Variants in PKIG observed in about 807,000 individuals in gnomAD.
PKIG encodes protein kinase (cAMP-dependent, catalytic) inhibitor gamma.
PKIG carries 1 observed loss-of-function variant against 6.8 expected under a neutral mutation model. That is an observed-to-expected ratio of 0.15 (90% confidence interval 0.05 to 0.69). PKIG has a LOEUF of 0.69. Among genes scored for constraint, PKIG ranks in the 30% least tolerant of loss-of-function variants. PKIG has a pLI of 0.82. For synonymous variants in PKIG, 39 were observed against 43.0 expected (o/e 0.91, Z 0.36); for missense variants, 77 against 104.0 (o/e 0.74, Z 1.13).
At chr20:44,542,042 T>C (rs531618339) in intron 1 of PKIG, among the ~76,000 whole-genome samples, 6 of 152,282 alleles carry the variant, frequency 3.9e-5, no homozygotes, top group Admixed American at 3.3e-4. Context: ...ACACCAAGAT[T>C]GAAAGCAACT....
intron 1 of PKIG, among the ~76,000 whole-genome samples, chr20:44,544,008 G>A (rs2064587321): frequency 6.6e-6 from 1 of 150,410 alleles, no homozygotes; most frequent in Non-Finnish European, 1.5e-5. Flanking sequence ...AGGTTGCAGT[G>A]AGCTGAGGTC....
At chr20:44,608,287 G>A (rs2065185072) in intron 2 of PKIG, among the ~76,000 whole-genome samples, 1 of 152,144 alleles carries the variant, frequency 6.6e-6, no homozygotes, top group Non-Finnish European at 1.5e-5. Flanking sequence ...ATTAATGTAT[G>A]TAATTATATC....
At chr20:44,556,458 G>T (rs990016506) in intron 1 of PKIG, among the ~76,000 whole-genome samples, 4 of 152,228 alleles carry the variant, frequency 2.6e-5, no homozygotes, top group Admixed American at 6.5e-5. Flanking sequence ...TGCCTCCTGG[G>T]TTCAAGTGAT....
chr20:44,602,873 G>A (rs901625838), intron 2 of PKIG, among the ~76,000 whole-genome samples: 2 of 151,618 alleles, frequency 1.3e-5, no homozygotes, highest in Admixed American at 6.6e-5. Flanking sequence ...AAGACTTGGA[G>A]ATCATATTTC....
intron 2 of PKIG, among the ~76,000 whole-genome samples, chr20:44,597,720 G>A (rs755875273): frequency 2.0e-5 from 3 of 152,078 alleles, no homozygotes; most frequent in Non-Finnish European, 4.4e-5. Flanking sequence ...CTCCTGCTGC[G>A]GATGTATGAT....
At chr20:44,616,086 C>T (rs532468130) in intron 3 of PKIG, among the ~76,000 whole-genome samples, 210 of 152,300 alleles carry the variant, frequency 1.4e-3, no homozygotes, top group African/African-American at 4.9e-3. Flanking sequence ...GTACTTTGAT[C>T]GCTCAGAAGC....
At chr20:44,580,825 C>T (rs1246059837), upstream of PKIG, among the ~76,000 whole-genome samples, 1 of 152,186 alleles carries the variant, frequency 6.6e-6, no homozygotes. Context: ...TTACCACAGC[C>T]TCTTCCTTAC....
At chr20:44,596,876 T>C (rs2065079780) in intron 2 of PKIG, among the ~76,000 whole-genome samples, 1 of 152,126 alleles carries the variant, frequency 6.6e-6, no homozygotes, top group Admixed American at 6.5e-5. Flanking sequence ...CAGAGCAAAA[T>C]TTAAAGTCTG....
chr20:44,544,460 C>G (rs1377265715), intron 1 of PKIG, among the ~76,000 whole-genome samples: 1 of 152,178 alleles, frequency 6.6e-6, no homozygotes, highest in African/African-American at 2.4e-5. Context: ...CCTGGCATGG[C>G]AGTTCCACAG....
At chr20:44,563,743 C>G (rs2064787547) in intron 1 of PKIG, among the ~76,000 whole-genome samples, 1 of 152,052 alleles carries the variant, frequency 6.6e-6, no homozygotes, top group Admixed American at 6.6e-5. Flanking sequence ...GTTGCCCAGA[C>G]TGGTCTAAAA....
chr20:44,591,491 C>T (rs999284324), intron 2 of PKIG, among the ~76,000 whole-genome samples: 2 of 151,982 alleles, frequency 1.3e-5, no homozygotes, highest in Non-Finnish European at 2.9e-5. Flanking sequence ...GGCCCACTCT[C>T]ATCACCTCTC....
chr20:44,598,978 G>A (rs551502950), intron 2 of PKIG: 1 of 152,298 alleles, frequency 6.6e-6, no homozygotes, highest in South Asian at 2.1e-4. Flanking sequence ...TGTGGTGGTA[G>A]AATCAAGAGA....
intron 1 of PKIG, among the ~76,000 whole-genome samples, chr20:44,546,045 C>T (rs1309289627): frequency 5.9e-5 from 9 of 151,908 alleles, no homozygotes; most frequent in Non-Finnish European, 1.0e-4. Context: ...TCCAGGAGTT[C>T]GAGACACAAG....
intron 2 of PKIG, among the ~76,000 whole-genome samples, chr20:44,610,498 T>TCACACACACA (rs1379954369): frequency 6.6e-4 from 79 of 119,598 alleles, no homozygotes; most frequent in African/African-American, 1.6e-3. Flanking sequence ...TCTCTCTCTC[T>TCACACACACA]CTCACACACA....
chr20:44,569,780 G>T (rs887617119), intron 1 of PKIG, among the ~76,000 whole-genome samples: 1 of 151,968 alleles, frequency 6.6e-6, no homozygotes, highest in Non-Finnish European at 1.5e-5. Flanking sequence ...CACACTCCCC[G>T]TGTAATCCTG....
chr20:44,615,135 CAA>C (rs572092586), intron 3 of PKIG, among the ~76,000 whole-genome samples: 3 of 144,316 alleles, frequency 2.1e-5, no homozygotes, highest in African/African-American at 2.5e-5. Context: ...ATGCTTCTGC[CAA>C]AAAAAAAAAA....
At chr20:44,562,753 A>G (rs1048734686) in intron 1 of PKIG, among the ~76,000 whole-genome samples, 6 of 152,208 alleles carry the variant, frequency 3.9e-5, no homozygotes, top group Non-Finnish European at 7.3e-5. Flanking sequence ...TATTAGTAAT[A>G]TAACTATTAA....
At chr20:44,552,195 T>C (rs902506808) in intron 1 of PKIG, among the ~76,000 whole-genome samples, 1 of 152,228 alleles carries the variant, frequency 6.6e-6, no homozygotes, top group African/African-American at 2.4e-5. Context: ...TTGTCAGACT[T>C]ATCTCAAATG....
At chr20:44,597,021 C>T (rs1328194153) in intron 2 of PKIG, among the ~76,000 whole-genome samples, 1 of 152,190 alleles carries the variant, frequency 6.6e-6, no homozygotes, top group Non-Finnish European at 1.5e-5. Flanking sequence ...CTCTTGCATG[C>T]TGTGCCCTCT....
Sources: allele counts gnomAD v4.1 joint callset (sites outside exome capture counted in the v4.1 genomes callset), GRCh38; gene constraint gnomAD v4.1.1; transcripts MANE v1.5; gene names NCBI Gene and HGNC (gene_info 2026-07-23, HGNC 2026-07-21).